The following OASL variants were observed in gnomAD, a reference collection of about 807,000 sequenced individuals.
OASL encodes 2'-5'-oligoadenylate synthase-like protein.
Under a neutral mutation model 35.3 loss-of-function variants are expected in OASL, and 28 were observed. The observed-to-expected ratio is 0.79, with a 90% CI of 0.59 to 1.09. The LOEUF is 1.09. Ranked by LOEUF, OASL falls within the 50% of genes least tolerant of loss-of-function variation. The pLI, the probability that OASL is intolerant of heterozygous loss-of-function variation, is 0.00. For synonymous variants in OASL, 252 were observed against 254.6 expected (o/e 0.99, Z 0.10); for missense variants, 620 against 635.2 (o/e 0.98, Z 0.26).
In OASL at chr12:121,027,818, C is replaced by G. The variant is rs1406250567; in HGVS notation, c.658-1G>C. The G allele has an allele frequency of 6.2e-7, 1 of 1,611,630 alleles. No individual in the cohort carries two copies. Among genetic ancestry groups the G allele is most frequent in the Non-Finnish European group, 8.5e-7 (1 of 1,177,998 alleles). The stretch of plus-strand genomic sequence containing the variant: ...CTCTGGGGGACCTGGCTTTCACATA[C>G]TGTTGAAAGAGATGGGAAGACAGAG... On this transcript the variant is annotated splice_acceptor_variant, in intron 3 of 5. Transcript: ENST00000257570. LOFTEE classifies it high-confidence loss of function.
chr12:121,027,929 C>T lies in OASL; in HGVS notation c.658-112G>A, dbSNP rs914015254. On this transcript the variant is annotated intron_variant, in intron 3 of 5. Transcript: ENST00000257570. ...GTTCTAGTCCTGGCTCTGCTGCCTACTGGCTGTGTGACCTTGGCCATGTCA... is the reference window on the plus strand; with the variant it reads ...GTTCTAGTCCTGGCTCTGCTGCCTATTGGCTGTGTGACCTTGGCCATGTCA... The T allele has an allele frequency of 5.8e-6, 5 of 868,798 alleles. No homozygotes were observed. In the Admixed American group the frequency reaches 1.2e-4, roughly 20 times the overall value. 53.8% of individuals were successfully genotyped at this position (868,798 alleles called of 1,614,324 possible). A position where few individuals can be genotyped will look rare whatever the true frequency, so the allele number is the denominator to read the frequency against.
At position 121,026,171 on chromosome 12, in the gene OASL, AG is replaced by A. The variant is rs1170752722; in HGVS notation, c.899+1404del. On this transcript the variant is annotated intron_variant, in intron 4 of 5. Transcript: ENST00000257570. ...CAGAGGCTGAGGGGAAAAGTGCTGT[AG>A]TTCATGAGAGAGAGTGACAGAGAGA... 3.9e-5 allele frequency among the ~76,000 whole-genome samples: 6 copies of A among 152,320 alleles called. No individual in the cohort carries two copies. In the East Asian group the frequency reaches 1.2e-3, roughly 29 times the overall value.
At chr12:121,030,330 G>A (rs538791876) in intron 3 of OASL, among the ~76,000 whole-genome samples, 5 of 152,000 alleles carry the variant, frequency 3.3e-5, no homozygotes, top group African/African-American at 9.7e-5. Flanking sequence ...TCAGCCTCCC[G>A]AGTAGCTGGG....
chr12:121,020,576 CAG>C lies in OASL; in HGVS notation c.1528_1529del (p.Leu510ValfsTer70), dbSNP rs1869186292. On this transcript the variant is annotated frameshift_variant, in exon 6 of 6. Transcript: ENST00000257570. LOFTEE classifies it high-confidence loss of function. The stretch of plus-strand genomic sequence containing the variant: ...CCAGAGAAAACTAACTGGCTGGAAA[CAG>C]AGCCTCTCCTTTCTTCTTCGAGAGG... 1 of 1,603,318 alleles carries C rather than the reference CAG, an allele frequency of 6.2e-7. No individual in the cohort carries two copies. Among genetic ancestry groups the C allele is most frequent in the Non-Finnish European group, 8.5e-7 (1 of 1,172,474 alleles).
chr12:121,038,646 T>C, intron 1 of OASL, 128 bp downstream of exon 1: 2 of 795,914 alleles, frequency 2.5e-6, no homozygotes, highest in East Asian at 5.3e-5. Flanking sequence ...CTAGGTGGGA[T>C]GGGGTATTCT....
At chr12:121,033,437 C>A in intron 2 of OASL, 24 bp downstream of exon 2, 2 of 1,599,310 alleles carry the variant, frequency 1.3e-6, no homozygotes, top group Non-Finnish European at 8.6e-7. Context: ...GTGTGTGAGT[C>A]GGGTGAGCTT....
At chr12:121,030,872 G>A (rs2260446) in intron 3 of OASL, among the ~76,000 whole-genome samples, 67,134 of 151,924 alleles carry the variant, frequency 0.44, 15,642 homozygotes, top group East Asian at 0.74. Context: ...GTGGTGGCTC[G>A]TGCCTGTAAT....
At chr12:121,035,359 T>C (rs1869910859) in intron 1 of OASL, among the ~76,000 whole-genome samples, 1 of 151,940 alleles carries the variant, frequency 6.6e-6, no homozygotes, top group African/African-American at 2.4e-5. Flanking sequence ...AGCACATCTC[T>C]ACTAAAAATA....
chr12:121,023,286 T>TG (rs1869321275), intron 5 of OASL, among the ~76,000 whole-genome samples: 1 of 93,364 alleles, frequency 1.1e-5, no homozygotes, highest in South Asian at 3.7e-4. Flanking sequence ...CTTTTTTTTT[T>TG]CTTTTTTTCT....
exon 6 of OASL, chr12:121,020,957 G>T (rs1477931152): frequency 6.2e-7 from 1 of 1,614,170 alleles, no homozygotes; most frequent in African/African-American, 1.3e-5. Context: ...TGGTCCTCCG[G>T]ATTTTCTCTT....
intron 5 of OASL, 138 bp downstream of exon 5, chr12:121,023,852 T>C: frequency 2.1e-6 from 2 of 965,060 alleles, no homozygotes; most frequent in Non-Finnish European, 3.0e-6. Context: ...ACGGAGCCCA[T>C]GGGTGGTGCA....
At chr12:121,025,336 A>G (rs1476881537) in intron 4 of OASL, among the ~76,000 whole-genome samples, 1 of 152,078 alleles carries the variant, frequency 6.6e-6, no homozygotes, top group African/African-American at 2.4e-5. Context: ...TACCTCCTCA[A>G]CAGAGCAGAG....
chr12:121,028,430 G>T (rs1275837994), intron 3 of OASL, among the ~76,000 whole-genome samples: 1 of 152,174 alleles, frequency 6.6e-6, no homozygotes, highest in Non-Finnish European at 1.5e-5. Flanking sequence ...GTAAAGCCTA[G>T]TTCTTTTGTT....
chr12:121,020,653 C>G, exon 6 of OASL: 1 of 1,614,208 alleles, frequency 6.2e-7, no homozygotes, highest in Non-Finnish European at 8.5e-7. Flanking sequence ...CCCAACCAGT[C>G]CTGCAGGACT....
chr12:121,020,363 C>T (rs766635353), exon 6 of OASL: 72 of 554,304 alleles, frequency 1.3e-4, no homozygotes, highest in African/African-American at 2.6e-4. Context: ...TTGAACTCCT[C>T]GGCTCAAGCG....
intron 2 of OASL, 48 bp downstream of exon 2, chr12:121,033,413 C>G (rs3213546): frequency 0.04 from 63,087 of 1,585,680 alleles, 3,126 homozygotes; most frequent in East Asian, 0.21. Flanking sequence ...TGGGAAGTCT[C>G]CTGGGGTGGG....
chr12:121,023,396 C>T (rs1869334671), intron 5 of OASL, among the ~76,000 whole-genome samples: 1 of 149,748 alleles, frequency 6.7e-6, no homozygotes, highest in South Asian at 2.1e-4. Context: ...TCAAGCGATT[C>T]ACCTGCCTCT....
exon 6 of OASL, chr12:121,020,975 C>T: frequency 2.5e-6 from 4 of 1,614,108 alleles, no homozygotes; most frequent in Non-Finnish European, 3.4e-6. Context: ...CTTTAACCTT[C>T]CTTATGGGCT....
intron 1 of OASL, among the ~76,000 whole-genome samples, chr12:121,034,507 A>G (rs557579777): frequency 2.0e-3 from 302 of 152,264 alleles, no homozygotes; most frequent in African/African-American, 6.6e-3. Flanking sequence ...CCTACTCCAG[A>G]GGAATGGTAG....
Sources: allele counts gnomAD v4.1 joint callset (sites outside exome capture counted in the v4.1 genomes callset), GRCh38; gene constraint gnomAD v4.1.1; transcripts MANE v1.5; gene names NCBI Gene and HGNC (gene_info 2026-07-23, HGNC 2026-07-21).